The following APPBP2 variants were observed in gnomAD, a reference collection of about 807,000 sequenced individuals.
The protein encoded by APPBP2 is amyloid beta precursor protein binding protein 2.
Under a neutral mutation model 76.0 loss-of-function variants are expected in APPBP2, and 15 were observed. The observed-to-expected ratio is 0.20, with a 90% CI of 0.13 to 0.30. The LOEUF is 0.30. Ranked by LOEUF, APPBP2 falls within the 10% of genes least tolerant of loss-of-function variation. APPBP2 has a pLI of 1.00. For missense variants in APPBP2, 401 were observed against 687.2 expected, an observed-to-expected ratio of 0.58 and a Z score of 4.66; for synonymous variants, 222 against 242.2, an observed-to-expected ratio of 0.92 and a Z score of 0.77.
rs774317814 is a variant in APPBP2, at chr17:60,525,784, C to A, written c.138+10G>T. Reference sequence around the variant, plus strand: ...TGGAGGAGAGCAGAGAGGAGGCCCACGGCGCATACCTTGTAGTAAACATCA... The same window carrying A: ...TGGAGGAGAGCAGAGAGGAGGCCCAAGGCGCATACCTTGTAGTAAACATCA... On this transcript the variant is annotated intron_variant, in intron 1 of 12. Coordinates refer to ENST00000083182, the MANE Select transcript of APPBP2 (RefSeq NM_006380.5). 1.2e-6 allele frequency: 2 copies of A among 1,612,744 alleles called. No individual in the cohort carries two copies.
chr17:60,463,561 C>T (rs923469284), intron 6 of APPBP2, among the ~76,000 whole-genome samples: 2 of 152,120 alleles, frequency 1.3e-5, no homozygotes, highest in Non-Finnish European at 2.9e-5. Flanking sequence ...GTAAGGACTG[C>T]CTAGCAGGTC....
intron 11 of APPBP2, among the ~76,000 whole-genome samples, chr17:60,452,433 T>G (rs1471766999): frequency 6.6e-6 from 1 of 152,226 alleles, no homozygotes; most frequent in African/African-American, 2.4e-5. Flanking sequence ...AAAATTTAGT[T>G]GAACCTTCTT....
At chr17:60,518,506 G>C (rs898569894) in intron 1 of APPBP2, among the ~76,000 whole-genome samples, 29 of 148,330 alleles carry the variant, frequency 2.0e-4, no homozygotes, top group African/African-American at 6.9e-4. Flanking sequence ...GCCCAGCCGT[G>C]TGTGTGTGTG....
Position 60,447,211 on chromosome 17 carries a change from C to T in APPBP2, c.*370G>A, listed in dbSNP as rs756433425. The T allele has an allele frequency of 1.1e-4, 19 of 169,828 alleles. No individual in the cohort carries two copies. Among genetic ancestry groups the T allele is most frequent in the Non-Finnish European group, 2.0e-4 (16 of 79,262 alleles). The allele number at this position is 169,828 out of a possible 1,614,324, so 10.5% of individuals were successfully genotyped here. On this transcript the variant is annotated 3_prime_UTR_variant, in exon 13 of 13. Coordinates refer to ENST00000083182, the MANE Select transcript of APPBP2 (RefSeq NM_006380.5). The stretch of plus-strand genomic sequence containing the variant: ...CATATTAAAAAGTTGTTAAAATCAT[C>T]CTTACATAATAAGAATGCAACTCTT...
intron 4 of APPBP2, among the ~76,000 whole-genome samples, chr17:60,474,613 T>C (rs2090576181): frequency 6.6e-6 from 1 of 152,234 alleles, no homozygotes; most frequent in Non-Finnish European, 1.5e-5. Context: ...AGTATCCTTA[T>C]TTGAAATGTT....
chr17:60,490,450 A>C (rs960950820), intron 3 of APPBP2, among the ~76,000 whole-genome samples: 4 of 152,174 alleles, frequency 2.6e-5, no homozygotes, highest in Admixed American at 1.3e-4. Flanking sequence ...TTTGGGAAGA[A>C]TGCTTGAGCC....
chr17:60,488,853 G>C (rs2090702740), intron 3 of APPBP2, among the ~76,000 whole-genome samples: 2 of 152,132 alleles, frequency 1.3e-5, no homozygotes, highest in Non-Finnish European at 2.9e-5. Flanking sequence ...CTTAACATTA[G>C]TCAAGATCAC....
intron 4 of APPBP2, among the ~76,000 whole-genome samples, chr17:60,467,636 T>C (rs1397633526): frequency 6.6e-6 from 1 of 152,118 alleles, no homozygotes; most frequent in Non-Finnish European, 1.5e-5. Flanking sequence ...TAAGGATAAA[T>C]GCCATAAAGA....
intron 3 of APPBP2, among the ~76,000 whole-genome samples, chr17:60,494,081 C>T: frequency 6.6e-6 from 1 of 152,236 alleles, no homozygotes; most frequent in African/African-American, 2.4e-5. Context: ...TTCTCTGCCA[C>T]AGCCTACAGT....
chr17:60,512,104 TATTA>T (rs201398162), intron 1 of APPBP2, among the ~76,000 whole-genome samples: 3,176 of 146,264 alleles, frequency 0.022, 123 homozygotes, highest in African/African-American at 0.082. Flanking sequence ...TTATTATTAT[TATTA>T]TTTTCTTTTT....
chr17:60,496,953 T>C (rs1057435399), intron 2 of APPBP2, among the ~76,000 whole-genome samples: 1 of 152,136 alleles, frequency 6.6e-6, no homozygotes, highest in Non-Finnish European at 1.5e-5. Flanking sequence ...ACTCCTGACC[T>C]CAGGTGATCC....
At chr17:60,503,490 A>AT (rs2090839745) in intron 1 of APPBP2, among the ~76,000 whole-genome samples, 2 of 145,048 alleles carry the variant, frequency 1.4e-5, no homozygotes, top group Admixed American at 1.3e-4. Context: ...GGTTCAAGTG[A>AT]TTCCCTTGCT....
At chr17:60,509,378 C>CAA (rs751824797) in intron 1 of APPBP2, among the ~76,000 whole-genome samples, 6 of 99,202 alleles carry the variant, frequency 6.0e-5, no homozygotes, top group Non-Finnish European at 4.3e-5. Context: ...GACTCCGTCT[C>CAA]AAAAAAAAAA....
At chr17:60,450,402 C>A (rs1172501772) in intron 12 of APPBP2, among the ~76,000 whole-genome samples, 2 of 149,892 alleles carry the variant, frequency 1.3e-5, no homozygotes, top group East Asian at 3.9e-4. Context: ...CGCGCCACTG[C>A]ACTCTAGCCT....
intron 1 of APPBP2, among the ~76,000 whole-genome samples, chr17:60,508,501 A>C (rs2090887199): frequency 6.6e-6 from 1 of 152,208 alleles, no homozygotes; most frequent in African/African-American, 2.4e-5. Context: ...AGCAGCTAGG[A>C]AAGAAGGAAA....
chr17:60,495,376 A>G (rs8073157), intron 2 of APPBP2, among the ~76,000 whole-genome samples: 1 of 151,778 alleles, frequency 6.6e-6, no homozygotes, highest in African/African-American at 2.4e-5. Flanking sequence ...AGGGAAATGC[A>G]AACCAAAATC....
At chr17:60,458,988 G>GA (rs2090454695) in intron 9 of APPBP2, among the ~76,000 whole-genome samples, 1 of 151,870 alleles carries the variant, frequency 6.6e-6, no homozygotes, top group South Asian at 2.1e-4. Flanking sequence ...GGCCAGGATG[G>GA]TCTCCATCTC....
chr17:60,483,540 C>T (rs995673006), intron 3 of APPBP2, among the ~76,000 whole-genome samples: 4 of 151,934 alleles, frequency 2.6e-5, no homozygotes, highest in African/African-American at 9.7e-5. Context: ...ACTATAGGCG[C>T]CCACCACCAC....
intron 3 of APPBP2, among the ~76,000 whole-genome samples, chr17:60,480,021 G>A (rs1248716890): frequency 6.6e-6 from 1 of 152,186 alleles, no homozygotes; most frequent in South Asian, 2.1e-4. Flanking sequence ...GGCTAAGTCT[G>A]TAGTCCCTAT....
Sources: gnomAD v4.1 joint callset for allele counts (sites outside exome capture counted in the v4.1 genomes callset) on GRCh38, gnomAD v4.1.1 for gene constraint, MANE v1.5 for transcripts, NCBI Gene and HGNC (gene_info 2026-07-23, HGNC 2026-07-21) for gene names.